The following SPTLC2 variants were observed in gnomAD, a reference collection of about 807,000 sequenced individuals.
The protein encoded by SPTLC2 is serine palmitoyltransferase 2.
A neutral mutation model predicts 62.0 loss-of-function variants in SPTLC2; 21 were observed. The observed-to-expected ratio is 0.34, with a 90% CI of 0.24 to 0.49. The LOEUF is 0.49. Ranked by LOEUF, SPTLC2 falls within the 20% of genes least tolerant of loss-of-function variation. The pLI, the probability that SPTLC2 is intolerant of heterozygous loss-of-function variation, is 0.99. For missense variants in SPTLC2, 511 were observed against 713.0 expected (o/e 0.72, Z 3.23); for synonymous variants, 261 against 261.8 (o/e 1.00, Z 0.03).
chr14:77,602,933 G>A (rs1595016751), intron 1 of SPTLC2, among the ~76,000 whole-genome samples: 1 of 152,200 alleles, frequency 6.6e-6, no homozygotes, highest in South Asian at 2.1e-4. Context: ...TATAGCAAAA[G>A]AAAACCCTGG....
At chr14:77,577,208 G>T (rs983391937) in intron 3 of SPTLC2, among the ~76,000 whole-genome samples, 2 of 137,134 alleles carry the variant, frequency 1.5e-5, no homozygotes, top group African/African-American at 4.9e-5. Context: ...CAGTTTGGCA[G>T]TACTTATCCA....
At position 77,535,923 on chromosome 14, in the gene SPTLC2, G is replaced by A. The variant is rs187275323; in HGVS notation, c.1304-14342C>T. On this transcript the variant is annotated intron_variant, in intron 9 of 11. Coordinates refer to ENST00000216484, the MANE Select transcript of SPTLC2 (RefSeq NM_004863.4). ...AAGGAAGCATGATCCATAGGCACTG[G>A]TGACTAAATACAGGGGATAAAGGAG... The A allele has an allele frequency of 3.4e-3, 1,566 of 454,422 alleles. 7 individuals are homozygous for A. The highest frequency in any genetic ancestry group is 4.8e-3 in the Non-Finnish European group (1,085 of 226,248). The allele number at this position is 454,422 out of a possible 1,614,324, so 28.1% of individuals were successfully genotyped here.
At chr14:77,528,422 G>A (rs150872225) in intron 9 of SPTLC2, among the ~76,000 whole-genome samples, 3,734 of 152,082 alleles carry the variant, frequency 0.025, 146 homozygotes, top group African/African-American at 0.086. Context: ...GTAGAGACGG[G>A]GTTTCTCCAT....
At chr14:77,562,578 G>T in intron 5 of SPTLC2, 89 bp from the exon 6 acceptor site, 1 of 977,598 alleles carries the variant, frequency 1.0e-6, no homozygotes. Flanking sequence ...ACTAATAGCT[G>T]TATCTTATTA....
In SPTLC2 at chr14:77,598,383, A is replaced by G. The variant is rs189874020; in HGVS notation, c.133-1003T>C. Among the ~76,000 whole-genome samples the G allele has an allele frequency of 2.0e-5, 3 of 152,328 alleles. No individual in the cohort carries two copies. In the East Asian group the frequency reaches 5.8e-4, roughly 29 times the overall value. ...AAAAAAGCAAAAAATATAAATCAAC[A>G]AAGAGAAAGCCTGTCCCAAAAAAGT... On this transcript the variant is annotated intron_variant, in intron 1 of 11. Coordinates refer to ENST00000216484, the MANE Select transcript of SPTLC2 (RefSeq NM_004863.4).
chr14:77,525,863 G>A (rs1403195068), intron 9 of SPTLC2, among the ~76,000 whole-genome samples: 9 of 151,754 alleles, frequency 5.9e-5, no homozygotes, highest in African/African-American at 1.7e-4. Flanking sequence ...GCAGTGAGCC[G>A]AGATTATGCC....
intron 1 of SPTLC2, among the ~76,000 whole-genome samples, chr14:77,613,648 C>T (rs984227165): frequency 6.6e-6 from 1 of 152,166 alleles, no homozygotes; most frequent in African/African-American, 2.4e-5. Flanking sequence ...GACTTCTCTC[C>T]TGTTCATTAA....
intron 4 of SPTLC2, among the ~76,000 whole-genome samples, chr14:77,572,501 T>C (rs947972462): frequency 6.6e-6 from 1 of 152,160 alleles, no homozygotes; most frequent in African/African-American, 2.4e-5. Flanking sequence ...GGTAATCAAA[T>C]TAAAATGAGG....
chr14:77,568,090 A>G (rs543170208), intron 5 of SPTLC2, among the ~76,000 whole-genome samples: 18 of 152,194 alleles, frequency 1.2e-4, no homozygotes, highest in Admixed American at 2.0e-4. Context: ...ACCTGTATAA[A>G]CGTTTAATGC....
At chr14:77,544,170 C>T (rs1160533087) in intron 9 of SPTLC2, among the ~76,000 whole-genome samples, 5 of 152,088 alleles carry the variant, frequency 3.3e-5, no homozygotes, top group Non-Finnish European at 4.4e-5. Flanking sequence ...CCACACTTGG[C>T]TAATTTTTAG....
chr14:77,605,635 G>A (rs531988533), intron 1 of SPTLC2, among the ~76,000 whole-genome samples: 1 of 152,294 alleles, frequency 6.6e-6, no homozygotes, highest in Admixed American at 6.5e-5. Flanking sequence ...GCTTGCCATA[G>A]GCAGAACTCC....
At chr14:77,567,474 A>G (rs1413047280) in intron 5 of SPTLC2, among the ~76,000 whole-genome samples, 1 of 152,198 alleles carries the variant, frequency 6.6e-6, no homozygotes, top group Non-Finnish European at 1.5e-5. Context: ...AGAACCATAC[A>G]TTTATGTCTT....
chr14:77,615,450 G>A (rs1427244308), intron 1 of SPTLC2, among the ~76,000 whole-genome samples: 2 of 152,122 alleles, frequency 1.3e-5, no homozygotes, highest in African/African-American at 2.4e-5. Context: ...TCACACTCCC[G>A]CTAAAGGGAA....
chr14:77,527,682 T>C (rs2079415868), intron 9 of SPTLC2, among the ~76,000 whole-genome samples: 1 of 152,140 alleles, frequency 6.6e-6, no homozygotes, highest in African/African-American at 2.4e-5. Context: ...CCCTCCTAGA[T>C]AGGTGTGACT....
chr14:77,555,253 T>C, intron 8 of SPTLC2, 47 bp downstream of exon 8: 2 of 1,611,094 alleles, frequency 1.2e-6, no homozygotes, highest in Non-Finnish European at 1.7e-6. Flanking sequence ...CCAAATCTAA[T>C]TGCCAGTGAC....
chr14:77,586,521 G>T (rs1043261871), intron 2 of SPTLC2, among the ~76,000 whole-genome samples: 1 of 152,138 alleles, frequency 6.6e-6, no homozygotes, highest in Non-Finnish European at 1.5e-5. Flanking sequence ...CAGCCAAAAG[G>T]TGGTAACAAA....
intron 9 of SPTLC2, among the ~76,000 whole-genome samples, chr14:77,541,241 T>A (rs185058259): frequency 5.3e-5 from 8 of 152,230 alleles, no homozygotes; most frequent in Non-Finnish European, 1.2e-4. Flanking sequence ...GGTTTCACCA[T>A]GTTGCCCAAG....
intron 6 of SPTLC2, among the ~76,000 whole-genome samples, chr14:77,557,995 GCAA>G (rs1381405626): frequency 1.3e-5 from 2 of 151,710 alleles, no homozygotes; most frequent in African/African-American, 2.4e-5. Context: ...CCAAATTTAA[GCAA>G]CATTAAGTCT....
chr14:77,540,026 G>C (rs1250706204), intron 9 of SPTLC2, among the ~76,000 whole-genome samples: 1 of 151,894 alleles, frequency 6.6e-6, no homozygotes, highest in Non-Finnish European at 1.5e-5. Flanking sequence ...AAGAAACCCT[G>C]TCTCTACTAA....
Sources: allele counts gnomAD v4.1 joint callset (sites outside exome capture counted in the v4.1 genomes callset), GRCh38; gene constraint gnomAD v4.1.1; transcripts MANE v1.5; gene names NCBI Gene and HGNC (gene_info 2026-07-23, HGNC 2026-07-21).